Variants in SEMA3A observed in about 807,000 individuals in gnomAD.
SEMA3A encodes the protein semaphorin-3A.
In SEMA3A, 29 loss-of-function variants were observed where a neutral mutation model predicts 97.9. That is an observed-to-expected ratio of 0.30 (90% CI 0.22 to 0.40). SEMA3A has a LOEUF of 0.40. SEMA3A is among the 10% of genes least tolerant of loss of function. The pLI, the probability that SEMA3A is intolerant of heterozygous loss-of-function variation, is 1.00. For synonymous variants in SEMA3A, 321 were observed against 323.7 expected (o/e 0.99, Z 0.09); for missense variants, 763 against 951.3 (o/e 0.80, Z 2.60).
intron 1 of SEMA3A, among the ~76,000 whole-genome samples, chr7:84,424,902 TAAACA>T (rs1386612412): frequency 1.7e-4 from 11 of 64,232 alleles, no homozygotes; most frequent in Admixed American, 9.1e-4. Flanking sequence ...ATAATTTATA[TAAACA>T]TAAATATATA....
intron 3 of SEMA3A, among the ~76,000 whole-genome samples, chr7:84,205,434 A>G (rs895070421): frequency 6.6e-6 from 1 of 152,202 alleles, no homozygotes; most frequent in Non-Finnish European, 1.5e-5. Flanking sequence ...AAACATGGCA[A>G]TGATTACAGT....
At chr7:84,042,952 T>C (rs1280398063) in intron 6 of SEMA3A, among the ~76,000 whole-genome samples, 1 of 152,018 alleles carries the variant, frequency 6.6e-6, no homozygotes, top group Non-Finnish European at 1.5e-5. Context: ...TTACTATAAA[T>C]ATACACAGAA....
At chr7:84,062,241 G>A (rs889083776) in intron 4 of SEMA3A, among the ~76,000 whole-genome samples, 2 of 152,074 alleles carry the variant, frequency 1.3e-5, no homozygotes, top group Non-Finnish European at 2.9e-5. Flanking sequence ...ATATTACATT[G>A]AGATGTTTAT....
chr7:84,260,924 G>A (rs1004009928), intron 3 of SEMA3A, among the ~76,000 whole-genome samples: 4 of 152,188 alleles, frequency 2.6e-5, no homozygotes, highest in African/African-American at 7.2e-5. Context: ...ATTCCAGGTG[G>A]AGTCTGTGGC....
chr7:84,403,866 A>G (rs1228676789), intron 1 of SEMA3A, among the ~76,000 whole-genome samples: 2 of 152,216 alleles, frequency 1.3e-5, no homozygotes, highest in African/African-American at 2.4e-5. Context: ...ACAAACAGAA[A>G]GGACATCCAC....
chr7:84,204,191 G>A lies in SEMA3A; in HGVS notation c.-82-9523C>T, dbSNP rs77048953. Among the ~76,000 whole-genome samples, 563 of 152,050 alleles carry A rather than the reference G, an allele frequency of 3.7e-3. 4 individuals carry two copies. Among genetic ancestry groups the A allele is most frequent in the African/African-American group, 0.013 (545 of 41,456 alleles). ...TTTTTTTAATTTAAAAATTAAGAAC[G>A]ATGGCTGTGAAACTCTCAAGAAATA... On this transcript the variant is annotated intron_variant, in intron 3 of 3. Transcript: ENST00000424555.
At chr7:84,416,082 A>G (rs1804425666) in intron 1 of SEMA3A, among the ~76,000 whole-genome samples, 1 of 152,256 alleles carries the variant, frequency 6.6e-6, no homozygotes, top group African/African-American at 2.4e-5. Context: ...GACTAATTTT[A>G]AAAGCCTCTA....
At chr7:84,149,898 A>G (rs1796576446) in intron 1 of SEMA3A, among the ~76,000 whole-genome samples, 1 of 152,224 alleles carries the variant, frequency 6.6e-6, no homozygotes, top group Non-Finnish European at 1.5e-5. Flanking sequence ...TATTGCTATT[A>G]AATTTTAATA....
At chr7:84,289,398 T>G (rs532617882) in intron 3 of SEMA3A, among the ~76,000 whole-genome samples, 1 of 152,236 alleles carries the variant, frequency 6.6e-6, no homozygotes, top group Non-Finnish European at 1.5e-5. Flanking sequence ...AAATGATAAC[T>G]GTTTGAGGTG....
chr7:84,291,515 T>A (rs512896), intron 3 of SEMA3A, among the ~76,000 whole-genome samples: 107,635 of 151,918 alleles, frequency 0.71, 38,360 homozygotes, highest in East Asian at 0.79. Context: ...AGAAAAATGT[T>A]AAAAATTACG....
chr7:84,260,390 G>A (rs542449089), intron 3 of SEMA3A, among the ~76,000 whole-genome samples: 8 of 152,188 alleles, frequency 5.3e-5, no homozygotes, highest in South Asian at 4.2e-4. Flanking sequence ...AGGAACAGGC[G>A]AGAGCCCCAC....
At chr7:84,128,894 G>A (rs796993400) in intron 3 of SEMA3A, among the ~76,000 whole-genome samples, 18 of 151,944 alleles carry the variant, frequency 1.2e-4, no homozygotes, top group African/African-American at 4.3e-4. Flanking sequence ...ATCCCCGAGG[G>A]AAAAATAAAA....
chr7:84,379,763 C>T (rs995173320), intron 1 of SEMA3A, among the ~76,000 whole-genome samples: 80 of 152,222 alleles, frequency 5.3e-4, no homozygotes, highest in African/African-American at 1.8e-3. Context: ...AAACCCATGT[C>T]ATTTTTGTAA....
intron 6 of SEMA3A, among the ~76,000 whole-genome samples, chr7:84,035,500 T>C (rs1444208019): frequency 6.6e-6 from 1 of 152,218 alleles, no homozygotes; most frequent in Non-Finnish European, 1.5e-5. Context: ...AGAACATGTA[T>C]TTTTTAAGTT....
chr7:84,073,685 C>T (rs1427178561), intron 4 of SEMA3A, among the ~76,000 whole-genome samples: 2 of 151,854 alleles, frequency 1.3e-5, no homozygotes, highest in Non-Finnish European at 2.9e-5. Flanking sequence ...AACGATTTGC[C>T]ATAGCTTGGG....
chr7:84,488,290 TG>T (rs753054385), intron 1 of SEMA3A, among the ~76,000 whole-genome samples: 6 of 148,982 alleles, frequency 4.0e-5, no homozygotes, highest in Non-Finnish European at 8.9e-5. Context: ...TACAAAGAGG[TG>T]TTTTCCAGCT....
chr7:84,488,087 T>C (rs1472150903), intron 1 of SEMA3A, among the ~76,000 whole-genome samples: 1 of 152,038 alleles, frequency 6.6e-6, no homozygotes, highest in Non-Finnish European at 1.5e-5. Context: ...GAATATCCTG[T>C]GTTTATACGG....
intron 1 of SEMA3A, among the ~76,000 whole-genome samples, chr7:84,420,910 A>G (rs2116278427): frequency 6.6e-6 from 1 of 151,798 alleles, no homozygotes; most frequent in Middle Eastern, 3.4e-3. Flanking sequence ...CTATCCATCT[A>G]TCTATTTTGT....
chr7:84,102,791 G>T (rs2115906593), intron 4 of SEMA3A, among the ~76,000 whole-genome samples: 1 of 151,856 alleles, frequency 6.6e-6, no homozygotes, highest in South Asian at 2.1e-4. Flanking sequence ...ATGTTGGCCA[G>T]GCTGGTCTCG....
Sources: gnomAD v4.1 joint callset for allele counts (sites outside exome capture counted in the v4.1 genomes callset) on GRCh38, gnomAD v4.1.1 for gene constraint, MANE v1.5 for transcripts, NCBI Gene and HGNC (gene_info 2026-07-23, HGNC 2026-07-21) for gene names.